Variants in EIF3CL observed in about 807,000 individuals in gnomAD.
EIF3CL encodes eukaryotic translation initiation factor 3 subunit C like.
For synonymous variants in EIF3CL, 2 were observed against 19.6 expected (o/e 0.10, Z 2.37); for missense variants, 5 against 56.1 (o/e 0.09, Z 2.91).
chr16:28,417,153 C>A, the EIF3CL span, among the ~76,000 whole-genome samples: 2 of 138,406 alleles, frequency 1.4e-5, no homozygotes, highest in African/African-American at 2.7e-5. Flanking sequence ...GGGGGGTCAG[C>A]CCCCCGCCCG....
chr16:28,410,986 CTTA>C, the EIF3CL span, among the ~76,000 whole-genome samples: 25,035 of 125,714 alleles, frequency 0.2, 185 homozygotes, highest in Non-Finnish European at 0.23. Flanking sequence ...GACCATAATA[CTTA>C]TTATGAGATT....
At chr16:28,414,470 T>C in the EIF3CL span, 1 of 286,772 alleles carries the variant, frequency 3.5e-6, no homozygotes, top group Non-Finnish European at 6.7e-6. Flanking sequence ...GTCAACTACC[T>C]GGTCATCTGG....
chr16:28,417,158 C>A, the EIF3CL span, among the ~76,000 whole-genome samples: 1 of 135,500 alleles, frequency 7.4e-6, no homozygotes, highest in East Asian at 2.2e-4. Context: ...GTCAGCCCCC[C>A]GCCCGGCCAG....
the EIF3CL span, among the ~76,000 whole-genome samples, chr16:28,416,896 C>G: frequency 4.4e-5 from 4 of 90,946 alleles, no homozygotes; most frequent in Non-Finnish European, 9.5e-5. Context: ...GGGGGGTCAG[C>G]CCCCCCGCCC....
upstream of EIF3CL, among the ~76,000 whole-genome samples, chr16:28,405,873 C>T (rs1400966629): frequency 6.6e-6 from 1 of 152,270 alleles, no homozygotes; most frequent in Non-Finnish European, 1.5e-5. Context: ...CCGTATCTCT[C>T]TTTGTGTATA....
the EIF3CL span, among the ~76,000 whole-genome samples, chr16:28,417,179 C>T: frequency 2.8e-5 from 4 of 145,000 alleles, no homozygotes; most frequent in South Asian, 4.2e-4. Context: ...CCGCCCCGTC[C>T]GGGAGGGAGG....
At chr16:28,415,491 C>T in the EIF3CL span, among the ~76,000 whole-genome samples, 8 of 141,820 alleles carry the variant, frequency 5.6e-5, no homozygotes, top group South Asian at 8.7e-4. Flanking sequence ...GGCTCACACC[C>T]GTAATCCCAG....
the EIF3CL span, chr16:28,414,893 G>A: frequency 1.3e-5 from 7 of 518,544 alleles, no homozygotes; most frequent in Non-Finnish European, 2.3e-5. Context: ...CCATGCAACA[G>A]TGTATCGACG....
the EIF3CL span, chr16:28,414,825 G>A: frequency 1.9e-5 from 9 of 482,264 alleles, no homozygotes; most frequent in Admixed American, 2.2e-4. Flanking sequence ...CTCCAAAAGG[G>A]CTTCAATGCG....
the EIF3CL span, among the ~76,000 whole-genome samples, chr16:28,422,678 CA>C: frequency 4.8e-5 from 7 of 144,354 alleles, no homozygotes; most frequent in African/African-American, 1.3e-4. Context: ...ACTAAAAATA[CA>C]AAAAAAAATT....
chr16:28,386,812 AAAAGATACACACACAACC>A (rs2045606450), intron 15 of EIF3CL, among the ~76,000 whole-genome samples: 1 of 68,456 alleles, frequency 1.5e-5, no homozygotes, highest in South Asian at 4.2e-4. Context: ...CACACCCCCT[AAAAGATACACACACAACC>A]CCTAAAAGAT....
At chr16:28,426,164 A>G in the EIF3CL span, among the ~76,000 whole-genome samples, 28 of 89,142 alleles carry the variant, frequency 3.1e-4, 3 homozygotes, top group African/African-American at 1.2e-3. Context: ...TGAGGGAGAG[A>G]GCCCAGAGAA....
chr16:28,418,060 ATAG>A, the EIF3CL span, among the ~76,000 whole-genome samples: 1 of 150,716 alleles, frequency 6.6e-6, no homozygotes, highest in African/African-American at 2.4e-5. Flanking sequence ...AAAAAAAAAG[ATAG>A]TAGTGTGCAT....
At chr16:28,424,194 TAGCC>T in the EIF3CL span, among the ~76,000 whole-genome samples, 3 of 112,294 alleles carry the variant, frequency 2.7e-5, no homozygotes, top group African/African-American at 1.0e-4. Context: ...TTCACCGTGT[TAGCC>T]AGGATGGTCT....
At chr16:28,415,920 T>C in the EIF3CL span, among the ~76,000 whole-genome samples, 1 of 93,310 alleles carries the variant, frequency 1.1e-5, no homozygotes, top group South Asian at 3.1e-4. Flanking sequence ...GAAGCTGGAC[T>C]GTAGTGCTGC....
At chr16:28,417,113 C>T in the EIF3CL span, among the ~76,000 whole-genome samples, 1 of 126,466 alleles carries the variant, frequency 7.9e-6, no homozygotes, top group Non-Finnish European at 1.7e-5. Flanking sequence ...CCCCTCTGCC[C>T]GGCCAGCCGC....
At chr16:28,403,012 C>T (rs1438476548) in intron 2 of EIF3CL, among the ~76,000 whole-genome samples, 10 of 106,360 alleles carry the variant, frequency 9.4e-5, no homozygotes, top group African/African-American at 2.9e-4. Context: ...TTCTATTGTT[C>T]CAAAGGGTAA....
chr16:28,417,825 T>C, the EIF3CL span, among the ~76,000 whole-genome samples: 2 of 131,246 alleles, frequency 1.5e-5, no homozygotes, highest in African/African-American at 5.6e-5. Context: ...AAAAAATAAA[T>C]TTAAAAAAAA....
At chr16:28,422,909 G>A in the EIF3CL span, among the ~76,000 whole-genome samples, 1 of 123,316 alleles carries the variant, frequency 8.1e-6, no homozygotes, top group Non-Finnish European at 1.7e-5. Flanking sequence ...GGCTGTGTGT[G>A]GTGGCTCATA....
Sources: gnomAD v4.1 joint callset for allele counts (sites outside exome capture counted in the v4.1 genomes callset) on GRCh38, gnomAD v4.1.1 for gene constraint, MANE v1.5 for transcripts, NCBI Gene and HGNC (gene_info 2026-07-23, HGNC 2026-07-21) for gene names.